FRMPD3: variants seen among roughly 807,000 people sequenced by gnomAD.
FRMPD3 encodes the protein FERM and PDZ domain-containing protein 3.
In FRMPD3, 42 loss-of-function variants were observed where a neutral mutation model predicts 97.9. The observed-to-expected ratio is 0.43, with a 90% CI of 0.34 to 0.55. The LOEUF (loss-of-function observed/expected upper bound fraction) is 0.55, where lower values mean the gene tolerates loss of function less well. FRMPD3 is among the 20% of genes least tolerant of loss of function. The pLI, the probability that FRMPD3 is intolerant of heterozygous loss-of-function variation, is 0.03. For synonymous variants in FRMPD3, 577 were observed against 581.1 expected, an observed-to-expected ratio of 0.99 and a Z score of 0.10; for missense variants, 1,303 against 1,457.7, an observed-to-expected ratio of 0.89 and a Z score of 1.73.
At chrX:107,514,170 C>G (rs1312138777) in intron 1 of FRMPD3, among the ~76,000 whole-genome samples, 2 of 111,201 alleles carry the variant, frequency 1.8e-5, no homozygotes, top group East Asian at 5.7e-4. Context: ...GCCAGGAGGG[C>G]CAGATTGTAG....
chrX:107,551,296 C>A (rs1413492285), intron 6 of FRMPD3, among the ~76,000 whole-genome samples: 2 of 110,691 alleles, frequency 1.8e-5, no homozygotes, highest in Non-Finnish European at 1.9e-5. Context: ...ATAGAATGTT[C>A]TTTTGGCTAT....
At chrX:107,465,085 T>C (rs1157971519) in intron 1 of FRMPD3, among the ~76,000 whole-genome samples, 1 of 111,891 alleles carries the variant, frequency 8.9e-6, no homozygotes, top group Non-Finnish European at 1.9e-5. Context: ...TTTGGGGGAT[T>C]GGTGGTGTCA....
chrX:107,452,667 C>T (rs1416258380), intron 1 of FRMPD3, among the ~76,000 whole-genome samples: 1 of 111,618 alleles, frequency 9.0e-6, no homozygotes, highest in Non-Finnish European at 1.9e-5. Flanking sequence ...GAGCCTCTAC[C>T]CCACTGGAGG....
At chrX:107,594,514 A>G (rs1329808038) in intron 13 of FRMPD3, among the ~76,000 whole-genome samples, 2 of 112,157 alleles carry the variant, frequency 1.8e-5, no homozygotes, top group Non-Finnish European at 3.8e-5. Flanking sequence ...GTAGAAGTGG[A>G]AGTTTATGGT....
At chrX:107,480,463 T>C (rs1423580772) in intron 1 of FRMPD3, among the ~76,000 whole-genome samples, 1 of 111,560 alleles carries the variant, frequency 9.0e-6, no homozygotes, top group Non-Finnish European at 1.9e-5. Context: ...AAGCTGACTA[T>C]GCAGTTTCTG....
intron 13 of FRMPD3, among the ~76,000 whole-genome samples, chrX:107,581,598 T>G (rs781540399): frequency 9.1e-6 from 1 of 110,325 alleles, no homozygotes; most frequent in East Asian, 2.8e-4. Flanking sequence ...CAATCTAATT[T>G]TAGAACATTT....
intron 1 of FRMPD3, among the ~76,000 whole-genome samples, 107 bp downstream of exon 1, chrX:107,450,112 G>T (rs1931252496): frequency 9.0e-6 from 1 of 110,571 alleles, no homozygotes; most frequent in South Asian, 3.8e-4. Flanking sequence ...GGCGACTGGC[G>T]CTTGGGCGCC....
chrX:107,579,513 A>G (rs757684626), intron 13 of FRMPD3, among the ~76,000 whole-genome samples: 1 of 112,247 alleles, frequency 8.9e-6, no homozygotes, highest in Non-Finnish European at 1.9e-5. Flanking sequence ...TTGCCCTCAC[A>G]TAGGTTACAA....
At chrX:107,535,894 A>G (rs188115283) in intron 4 of FRMPD3, among the ~76,000 whole-genome samples, 3 of 110,574 alleles carry the variant, frequency 2.7e-5, no homozygotes, top group East Asian at 5.6e-4. Flanking sequence ...ACATACATAT[A>G]TCTACTATGT....
chrX:107,564,989 A>G lies in FRMPD3; in HGVS notation c.1219A>G (p.Ser407Gly). Residue 407 changes from serine (S) to glycine (G), a missense_variant, in exon 12 of 15, where the codon AGC becomes GGC. By Grantham distance (56) the Ser-to-Gly change is moderately conservative. Around this residue, in one of 3 missense-constraint regions of FRMPD3, gnomAD observed 535 missense variants for 618.6 expected, o/e 0.86. Transcript: ENST00000683843. ...CCTCACCACTGTGCTGTCCGAGTTC[A>G]GCAAGATCAGCAAGATCCAGCTGTT... ...TNLTTVLSEFSKISKIQLFRE... is the reference protein window; with the variant it reads ...TNLTTVLSEFGKISKIQLFRE... The G allele has an allele frequency of 8.3e-7, 1 of 1,207,861 alleles. No individual in the cohort carries two copies. Among genetic ancestry groups the G allele is most frequent in the Non-Finnish European group, 1.1e-6 (1 of 894,040 alleles).
intron 2 of FRMPD3, among the ~76,000 whole-genome samples, chrX:107,528,998 C>T (rs1922815168): frequency 8.9e-6 from 1 of 112,821 alleles, no homozygotes; most frequent in Admixed American, 9.3e-5. Context: ...TTGGGCAGCC[C>T]CCTTCTTTGG....
Position 107,597,407 on chromosome X carries a change from C to A in FRMPD3, c.1528C>A (p.Pro510Thr), listed in dbSNP as rs752306855. ...TTATGTGGGCAGCGTGGGCACCAGCCCCAGGAAATCGAGCCGCTGCACGCC... is the reference window on the plus strand; with the variant it reads ...TTATGTGGGCAGCGTGGGCACCAGCACCAGGAAATCGAGCCGCTGCACGCC... Reference protein sequence around the residue: ...SSYVGSVGTSPRKSSRCTPPP... With the variant: ...SSYVGSVGTSTRKSSRCTPPP... The change falls in exon 14 of 15, where the codon CCC (proline) becomes ACC (threonine). Residue 510 changes from proline to threonine, a missense_variant. Physicochemically the swap from Pro to Thr is conservative, Grantham distance 38 (BLOSUM62 -1). Coordinates refer to ENST00000683843, the MANE Select transcript of FRMPD3 (RefSeq NM_001388459.1). The A allele has an allele frequency of 4.4e-5, 53 of 1,210,744 alleles. No homozygotes were observed. Among genetic ancestry groups the A allele is most frequent in the Non-Finnish European group, 5.7e-5 (51 of 895,290 alleles).
At chrX:107,523,794 G>A (rs770515694) in intron 1 of FRMPD3, among the ~76,000 whole-genome samples, 7 of 112,360 alleles carry the variant, frequency 6.2e-5, no homozygotes, top group Non-Finnish European at 1.3e-4. Flanking sequence ...ACAAAACGCT[G>A]TTTGCTTATT....
intron 4 of FRMPD3, 48 bp downstream of exon 4, chrX:107,533,598 A>G (rs1323548547): frequency 9.0e-7 from 1 of 1,117,181 alleles, no homozygotes; most frequent in Middle Eastern, 2.4e-4. Context: ...CTGAGAAGAG[A>G]TGACATTTCC....
Position 107,576,409 on chromosome X carries a change from T to A in FRMPD3, c.1391T>A (p.Val464Asp). 1 of 1,210,618 alleles carries A rather than the reference T, an allele frequency of 8.3e-7. No individual in the cohort carries two copies. The highest frequency in any genetic ancestry group is 1.1e-6 in the Non-Finnish European group (1 of 895,295). The change falls in exon 13 of 15, where the codon GTC becomes GAC. Residue 464 changes from valine to aspartate, a missense_variant. Around this residue, in one of 3 missense-constraint regions of FRMPD3, gnomAD observed 535 missense variants for 618.6 expected, o/e 0.86. Coordinates refer to ENST00000683843, the MANE Select transcript of FRMPD3 (RefSeq NM_001388459.1). ...CTCTTGCTGGATTCCAGGAAGATGG[T>A]CTTCTCCAGGCCTGCCAGCCAGCCA... is the stretch of plus-strand genomic sequence containing the variant. ...CRLLLDSRKM[V>D]FSRPASQPLP...
chrX:107,479,853 CACACACACACACAG>C (rs914480843), intron 1 of FRMPD3, among the ~76,000 whole-genome samples: 1 of 106,441 alleles, frequency 9.4e-6, no homozygotes, highest in African/African-American at 3.5e-5. Context: ...CACACACACA[CACACACACACACAG>C]AGAGAGAGAG....
intron 1 of FRMPD3, among the ~76,000 whole-genome samples, chrX:107,489,099 C>CGAGAA: frequency 9.5e-6 from 1 of 104,889 alleles, no homozygotes; most frequent in Non-Finnish European, 1.9e-5. Context: ...GGTTTTTTGT[C>CGAGAA]CTTGCGATAG....
intron 1 of FRMPD3, among the ~76,000 whole-genome samples, chrX:107,460,844 C>T (rs1432363393): frequency 9.0e-6 from 1 of 111,541 alleles, no homozygotes; most frequent in Non-Finnish European, 1.9e-5. Context: ...TTGCCACCAC[C>T]GTGAAATTGC....
chrX:107,517,926 C>T (rs1255993611), intron 1 of FRMPD3, among the ~76,000 whole-genome samples: 2 of 108,814 alleles, frequency 1.8e-5, no homozygotes, highest in African/African-American at 6.7e-5. Flanking sequence ...ATCCAGCTAC[C>T]CAGTTGTGTG....
Sources: gnomAD v4.1 joint callset for allele counts (sites outside exome capture counted in the v4.1 genomes callset) on GRCh38, gnomAD v4.1.1 for gene constraint, gnomAD v4.1.1 regional missense constraint, MANE v1.5 for transcripts, NCBI Gene and HGNC (gene_info 2026-07-23, HGNC 2026-07-21) for gene names.